The following TMEM74 variants were observed in gnomAD, a reference collection of about 807,000 sequenced individuals.
TMEM74 encodes transmembrane protein 74.
In TMEM74, 13 loss-of-function variants were observed where a neutral mutation model predicts 18.1. The observed-to-expected ratio is 0.72, with a 90% CI of 0.47 to 1.14. TMEM74 has a LOEUF of 1.14. Ranked by LOEUF, TMEM74 falls within the 50% of genes most tolerant of loss-of-function variation. The pLI is 0.00. For synonymous variants in TMEM74, 159 were observed against 146.6 expected (o/e 1.08, Z -0.61); for missense variants, 372 against 375.9 (o/e 0.99, Z 0.09).
chr8:108,768,547 T>G (rs1200993082), intron 1 of TMEM74, among the ~76,000 whole-genome samples: 1 of 152,194 alleles, frequency 6.6e-6, no homozygotes, highest in Non-Finnish European at 1.5e-5. Flanking sequence ...AGGTGTTGTC[T>G]CTGACAGCAA....
Position 108,666,543 on chromosome 8 carries a change from G to A in TMEM74, n.120-11106C>T, listed in dbSNP as rs577027582. ...TTATGGACAAAGGAGTGGATGTAACGGACTTTCTTTTGCTCGTGTAATCTA... is the reference window on the plus strand; with the variant it reads ...TTATGGACAAAGGAGTGGATGTAACAGACTTTCTTTTGCTCGTGTAATCTA... On this transcript the variant is annotated intron_variant and non_coding_transcript_variant, in intron 1 of 3. Transcript: ENST00000518838. Among the ~76,000 whole-genome samples, 9 of 152,182 alleles carry A rather than the reference G, an allele frequency of 5.9e-5. No homozygotes were observed. In the South Asian group the frequency reaches 1.5e-3, roughly 25 times the overall value.
intron 1 of TMEM74, among the ~76,000 whole-genome samples, chr8:108,689,783 C>A (rs528910435): frequency 6.6e-5 from 10 of 152,112 alleles, no homozygotes; most frequent in Non-Finnish European, 1.3e-4. Context: ...ATCAGCTTAC[C>A]CGGCACCTGA....
chr8:108,652,544 A>T, intron 2 of TMEM74: 1 of 544,928 alleles, frequency 1.8e-6, no homozygotes, highest in Non-Finnish European at 3.4e-6. Flanking sequence ...GCTCATTCTC[A>T]AACAATTTGG....
At chr8:108,718,972 A>ATATATATACG (rs976338138) in intron 1 of TMEM74, among the ~76,000 whole-genome samples, 11 of 57,980 alleles carry the variant, frequency 1.9e-4, no homozygotes, top group Non-Finnish European at 3.0e-4. Flanking sequence ...TTGTGTGTGT[A>ATATATATACG]TATATATATA....
intron 1 of TMEM74, among the ~76,000 whole-genome samples, chr8:108,673,670 A>G (rs1813025711): frequency 6.6e-6 from 1 of 152,212 alleles, no homozygotes; most frequent in Admixed American, 6.5e-5. Context: ...CTTAAAATGT[A>G]CCTAAAGTAA....
chr8:108,760,546 T>C (rs1814032473), intron 1 of TMEM74, among the ~76,000 whole-genome samples: 1 of 152,020 alleles, frequency 6.6e-6, no homozygotes, highest in South Asian at 2.1e-4. Flanking sequence ...TTGTTCTTGC[T>C]CTGACTGCAA....
chr8:108,684,979 G>T (rs2130602268), intron 1 of TMEM74, among the ~76,000 whole-genome samples: 1 of 151,986 alleles, frequency 6.6e-6, no homozygotes. Context: ...GAATGTCATT[G>T]GTATTTTGAT....
chr8:108,691,922 AT>A (rs147517682), intron 1 of TMEM74, among the ~76,000 whole-genome samples: 2 of 152,014 alleles, frequency 1.3e-5, no homozygotes, highest in African/African-American at 4.8e-5. Context: ...TGGGCAACAG[AT>A]TTTTTTTAAA....
chr8:108,650,070 C>A (rs1404603035), intron 2 of TMEM74, among the ~76,000 whole-genome samples: 1 of 152,122 alleles, frequency 6.6e-6, no homozygotes, highest in Non-Finnish European at 1.5e-5. Flanking sequence ...CTAACCTGAA[C>A]TCTTGAACCA....
intron 2 of TMEM74, among the ~76,000 whole-genome samples, chr8:108,625,223 T>C (rs144563601): frequency 6.7e-4 from 102 of 152,172 alleles, no homozygotes; most frequent in African/African-American, 2.3e-3. Context: ...GATTTTAAAC[T>C]GTTAACCACA....
chr8:108,709,116 T>C (rs1246246228), intron 1 of TMEM74, among the ~76,000 whole-genome samples: 1 of 152,170 alleles, frequency 6.6e-6, no homozygotes, highest in Non-Finnish European at 1.5e-5. Context: ...AAAAACAGTA[T>C]GGATGTTCCA....
rs1193884662 is a variant in TMEM74 at position 108,779,555 on chromosome 8, G to A, written c.*4626C>T. 6.6e-6 allele frequency among the ~76,000 whole-genome samples: 1 copy of A among 152,156 alleles called. No individual in the cohort carries two copies. The highest frequency in any genetic ancestry group is 1.5e-5 in the Non-Finnish European group (1 of 68,018). On this transcript the variant is annotated 3_prime_UTR_variant, in exon 2 of 2. Coordinates refer to ENST00000297459, the MANE Select transcript of TMEM74 (RefSeq NM_153015.3). ...AAAACAAATTAATAAATATTTGTGG[G>A]AGGCTGAACAACCAAAACAGGTTTA...
At chr8:108,675,344 G>A (rs1227566859) in intron 1 of TMEM74, among the ~76,000 whole-genome samples, 1 of 152,174 alleles carries the variant, frequency 6.6e-6, no homozygotes, top group East Asian at 1.9e-4. Context: ...TTCAGAATGT[G>A]GATGTGATTC....
intron 1 of TMEM74, among the ~76,000 whole-genome samples, chr8:108,690,112 CAT>C (rs1016799656): frequency 3.9e-5 from 6 of 151,924 alleles, no homozygotes; most frequent in Non-Finnish European, 5.9e-5. Flanking sequence ...GGACTACACA[CAT>C]ATGTATGTAG....
intron 1 of TMEM74, among the ~76,000 whole-genome samples, chr8:108,731,356 A>T (rs527331661): frequency 3.3e-5 from 5 of 152,208 alleles, no homozygotes; most frequent in African/African-American, 1.2e-4. Context: ...ACATGTTCTC[A>T]ATACTTGGAA....
At chr8:108,748,273 G>T (rs755714911) in intron 1 of TMEM74, among the ~76,000 whole-genome samples, 2 of 152,070 alleles carry the variant, frequency 1.3e-5, no homozygotes, top group Admixed American at 1.3e-4. Context: ...GGCATGAGAC[G>T]GTATCTCACT....
At chr8:108,691,364 C>T (rs1052250241) in intron 1 of TMEM74, among the ~76,000 whole-genome samples, 2 of 152,188 alleles carry the variant, frequency 1.3e-5, no homozygotes, top group Non-Finnish European at 2.9e-5. Flanking sequence ...AAGGGTTCAA[C>T]ATGTGCCTGA....
At chr8:108,698,073 C>T (rs1003942737) in intron 1 of TMEM74, among the ~76,000 whole-genome samples, 12 of 152,106 alleles carry the variant, frequency 7.9e-5, no homozygotes, top group African/African-American at 2.9e-4. Flanking sequence ...TGTGCTGTGG[C>T]AATACTTTCC....
chr8:108,697,335 A>T (rs1416395113), intron 1 of TMEM74, among the ~76,000 whole-genome samples: 1 of 152,200 alleles, frequency 6.6e-6, no homozygotes, highest in Non-Finnish European at 1.5e-5. Flanking sequence ...ATTTTAACTT[A>T]TGCTAGTTAT....
Sources: gnomAD v4.1 joint callset for allele counts (sites outside exome capture counted in the v4.1 genomes callset) on GRCh38, gnomAD v4.1.1 for gene constraint, MANE v1.5 for transcripts, NCBI Gene and HGNC (gene_info 2026-07-23, HGNC 2026-07-21) for gene names.